PCDHA5: variants seen among roughly 807,000 people sequenced by gnomAD.
The protein encoded by PCDHA5 is protocadherin alpha-5.
Under a neutral mutation model 61.6 loss-of-function variants are expected in PCDHA5, and 43 were observed. The ratio of observed to expected loss-of-function variants is 0.70; its 90% CI spans 0.55 to 0.90. PCDHA5 has a LOEUF of 0.90. Among genes scored for constraint, PCDHA5 ranks in the 40% least tolerant of loss-of-function variants. The pLI is 0.00. For synonymous variants in PCDHA5, 627 were observed against 543.9 expected, an observed-to-expected ratio of 1.15 and a Z score of -2.13; for missense variants, 1,298 against 1,222.7, an observed-to-expected ratio of 1.06 and a Z score of -0.92.
In PCDHA5 at chr5:140,870,852, G is replaced by T. The variant is rs782301779; in HGVS notation, c.2352+46725G>T. 6 of 1,613,862 alleles carry T rather than the reference G, an allele frequency of 3.7e-6. 1 individual carries two copies. The South Asian group carries it at 6.6e-5, about 18-fold the overall frequency. On this transcript the variant is annotated intron_variant, in intron 1 of 3. Coordinates refer to ENST00000529859, the MANE Select transcript of PCDHA5 (RefSeq NM_018908.3). ...CAGTTAACAAGCTAGTACCGCGGTC[G>T]GTGGGTGCGGGCCACGTGGTGGCGA...
chr5:140,822,847 G>C lies in PCDHA5; in HGVS notation c.1072G>C (p.Val358Leu). 1 of 1,614,212 alleles carries C rather than the reference G, an allele frequency of 6.2e-7. No homozygotes were observed. Among genetic ancestry groups the C allele is most frequent in the Non-Finnish European group, 8.5e-7 (1 of 1,180,042 alleles). The change falls in exon 1 of 4, where the codon GTC (valine) becomes CTC (leucine). Residue 358 changes from valine to leucine, a missense_variant. Coordinates refer to ENST00000529859, the MANE Select transcript of PCDHA5 (RefSeq NM_018908.3). ...GGCCATAACCACCCTTTTCCTGCCT[G>C]TCAAAGAGGACGCTCCACTCAGCAC... ...EMAITTLFLP[V>L]KEDAPLSTVI...
chr5:140,966,906 C>A, intron 1 of PCDHA5: 1 of 1,600,938 alleles, frequency 6.2e-7, no homozygotes, highest in African/African-American at 1.3e-5. Flanking sequence ...CTGCGATACT[C>A]TGTGCCAGAG....
At position 140,842,876 on chromosome 5, in the gene PCDHA5, G is replaced by T. The variant is rs2150347081; in HGVS notation, c.2352+18749G>T. ...GCACACGGAGAGCGGCAAGGTGTAC[G>T]CGCTGCAGCCGCTGGACCACGAGGA... On this transcript the variant is annotated intron_variant, in intron 1 of 3. Transcript: ENST00000529859. 5.9e-3 allele frequency: 9,472 copies of T among 1,593,878 alleles called. 1,015 individuals are homozygous for T. The African/African-American group carries it at 0.11, about 18-fold the overall frequency.
intron 1 of PCDHA5, chr5:140,843,225 G>T: frequency 6.3e-7 from 1 of 1,596,120 alleles, no homozygotes; most frequent in East Asian, 2.2e-5. Flanking sequence ...AGCACCACTC[G>T]TGTCCTGGAC....
chr5:140,941,894 T>G (rs1398323055), intron 1 of PCDHA5, among the ~76,000 whole-genome samples: 2 of 152,230 alleles, frequency 1.3e-5, no homozygotes, highest in African/African-American at 4.8e-5. Context: ...AGCATCTAAG[T>G]AACATTGAAA....
At chr5:140,829,978 C>T (rs2150179032) in intron 1 of PCDHA5, 1 of 1,613,968 alleles carries the variant, frequency 6.2e-7, no homozygotes, top group South Asian at 1.1e-5. Context: ...TGTACACGGG[C>T]GAGATCAGCA....
At chr5:140,928,000 G>T (rs2084855141) in intron 1 of PCDHA5, 1 of 1,614,166 alleles carries the variant, frequency 6.2e-7, no homozygotes, top group Non-Finnish European at 8.5e-7. Context: ...TGAAGACCTC[G>T]ATTCTAATGG....
In PCDHA5 at chr5:140,968,153, A is replaced by G; in HGVS notation, c.2353-10796A>G. 2 of 1,614,142 alleles carry G rather than the reference A, an allele frequency of 1.2e-6. No individual in the cohort carries two copies. The highest frequency in any genetic ancestry group is 8.5e-7 in the Non-Finnish European group (1 of 1,180,046). On this transcript the variant is annotated intron_variant, in intron 1 of 3. Coordinates refer to ENST00000529859, the MANE Select transcript of PCDHA5 (RefSeq NM_018908.3). ...ACTGAAGGTTGAGATCTCTGACATC[A>G]ATGACAATCCACCAAGCTTCCTGGA...
At chr5:140,966,172 G>A in intron 1 of PCDHA5, 1 of 184,672 alleles carries the variant, frequency 5.4e-6, no homozygotes, top group East Asian at 1.4e-4. Context: ...TTTTCCTGGG[G>A]AGCTGATAGC....
intron 1 of PCDHA5, among the ~76,000 whole-genome samples, chr5:140,898,250 A>T (rs2066615127): frequency 6.6e-6 from 1 of 152,210 alleles, no homozygotes; most frequent in South Asian, 2.1e-4. Flanking sequence ...TGTTTTAGAC[A>T]TGAAGTCCTT....
chr5:140,825,737 A>G (rs1768691911), intron 1 of PCDHA5: 1 of 152,398 alleles, frequency 6.6e-6, no homozygotes, highest in Admixed American at 6.5e-5. Context: ...TATTATATTG[A>G]TGAGGAGTAA....
intron 1 of PCDHA5, chr5:140,928,695 C>T (rs782305388): frequency 9.3e-6 from 15 of 1,614,058 alleles, no homozygotes; most frequent in Non-Finnish European, 1.3e-5. Context: ...ACCACATCTC[C>T]CGGGCGTCTG....
At position 140,856,636 on chromosome 5, in the gene PCDHA5, G is replaced by A. The variant is rs368149411; in HGVS notation, c.2352+32509G>A. 231 of 1,598,104 alleles carry A rather than the reference G, an allele frequency of 1.4e-4. 24 individuals are homozygous for A. The highest frequency in any genetic ancestry group is 1.6e-4 in the Non-Finnish European group (182 of 1,167,716). The stretch of plus-strand genomic sequence containing the variant: ...ACAAATTCCCAGTGCTTGTTCTGCG[G>A]AAGCTGCTGGATCGTGAAGAAAATC... On this transcript the variant is annotated intron_variant, in intron 1 of 3. Coordinates refer to ENST00000529859, the MANE Select transcript of PCDHA5 (RefSeq NM_018908.3).
intron 1 of PCDHA5, chr5:140,882,794 G>C: frequency 6.2e-7 from 1 of 1,614,188 alleles, no homozygotes; most frequent in Non-Finnish European, 8.5e-7. Context: ...GGATCCCAAC[G>C]ATTATTTCAC....
chr5:140,989,517 G>A (rs782479733), intron 3 of PCDHA5, among the ~76,000 whole-genome samples: 4 of 152,186 alleles, frequency 2.6e-5, no homozygotes, highest in Non-Finnish European at 5.9e-5. Flanking sequence ...CCTGAGTTGA[G>A]GGCAGAGGAG....
rs1554262965 is a variant in PCDHA5 at position 141,010,497 on chromosome 5, T to A, written c.*560T>A. Reference sequence around the variant, plus strand: ...AAGTGTAAACTTAAAGGGACCAGACTTTCTAAATCTTACAACTCAAGAGGT... The same window carrying A: ...AAGTGTAAACTTAAAGGGACCAGACATTCTAAATCTTACAACTCAAGAGGT... On this transcript the variant is annotated 3_prime_UTR_variant, in exon 4 of 4. Coordinates refer to ENST00000529859, the MANE Select transcript of PCDHA5 (RefSeq NM_018908.3). The A allele has an allele frequency of 1.7e-6, 1 of 584,358 alleles. No homozygotes were observed. Among genetic ancestry groups the A allele is most frequent in the African/African-American group, 1.9e-5 (1 of 53,100 alleles). 36.2% of individuals were successfully genotyped at this position (584,358 alleles called of 1,614,324 possible).
At chr5:140,883,519 CG>C in intron 1 of PCDHA5, 1 of 1,614,190 alleles carries the variant, frequency 6.2e-7, no homozygotes, top group African/African-American at 1.3e-5. Flanking sequence ...ACCGCGAGAG[CG>C]TATCAGCCTA....
intron 1 of PCDHA5, among the ~76,000 whole-genome samples, chr5:140,917,405 T>C (rs2153543748): frequency 6.6e-6 from 1 of 152,162 alleles, no homozygotes; most frequent in South Asian, 2.1e-4. Flanking sequence ...AGCTCTTTAG[T>C]TTAATTAGGC....
intron 1 of PCDHA5, chr5:140,870,562 G>A: frequency 6.2e-7 from 1 of 1,613,996 alleles, no homozygotes; most frequent in Non-Finnish European, 8.5e-7. Context: ...GCAGGAGAAC[G>A]CGCTGGTGTC....
Sources: allele counts gnomAD v4.1 joint callset (sites outside exome capture counted in the v4.1 genomes callset), GRCh38; gene constraint gnomAD v4.1.1; transcripts MANE v1.5; gene names NCBI Gene and HGNC (gene_info 2026-07-23, HGNC 2026-07-21).